Variants in CNTN4 observed in about 807,000 individuals in gnomAD.
The protein encoded by CNTN4 is contactin 4, also known as contactin-4.
CNTN4 carries 77 observed loss-of-function variants against 122.5 expected under a neutral mutation model. That is an observed-to-expected ratio of 0.63 (90% CI 0.52 to 0.76). The LOEUF (loss-of-function observed/expected upper bound fraction) is 0.76, where lower values mean the gene tolerates loss of function less well. Among genes scored for constraint, CNTN4 ranks in the 30% least tolerant of loss-of-function variants. CNTN4 has a pLI of 0.00. For missense variants in CNTN4, 1,256 were observed against 1,259.1 expected, an observed-to-expected ratio of 1.00 and a Z score of 0.04; for synonymous variants, 512 against 447.0, an observed-to-expected ratio of 1.15 and a Z score of -1.83.
chr3:2,521,343 T>TCCCCCCCCCCCCCCCCCCCC (rs5846190), intron 3 of CNTN4, among the ~76,000 whole-genome samples: 2 of 128,306 alleles, frequency 1.6e-5, no homozygotes, highest in African/African-American at 6.3e-5. Context: ...CCTCTACCCA[T>TCCCCCCCCCCCCCCCCCCCC]CCCCCCCACC....
intron 3 of CNTN4, among the ~76,000 whole-genome samples, chr3:2,381,101 G>T (rs1168888449): frequency 6.6e-6 from 1 of 151,672 alleles, no homozygotes; most frequent in Non-Finnish European, 1.5e-5. Flanking sequence ...TGCCTTCTGG[G>T]TTCCCGCCAT....
intron 3 of CNTN4, among the ~76,000 whole-genome samples, chr3:2,567,263 T>G (rs1001896301): frequency 1.3e-5 from 2 of 152,062 alleles, no homozygotes; most frequent in East Asian, 3.9e-4. Context: ...ATTTTTTCTA[T>G]TTTTAGTAGA....
chr3:3,039,894 A>G (rs1343351795), intron 19 of CNTN4, 143 bp from the exon 20 acceptor site: 6 of 707,386 alleles, frequency 8.5e-6, no homozygotes, highest in Non-Finnish European at 1.3e-5. Context: ...TGCAAGCCCT[A>G]AATTTAAAAG....
intron 6 of CNTN4, among the ~76,000 whole-genome samples, chr3:2,792,551 G>A (rs888590346): frequency 6.6e-6 from 1 of 152,222 alleles, no homozygotes; most frequent in Non-Finnish European, 1.5e-5. Context: ...AAGCAAGAAT[G>A]CTAGAAGCCA....
At chr3:2,980,538 G>C (rs1693860977) in intron 13 of CNTN4, among the ~76,000 whole-genome samples, 1 of 152,138 alleles carries the variant, frequency 6.6e-6, no homozygotes, top group Non-Finnish European at 1.5e-5. Context: ...GGACCATAAA[G>C]GAAACTTTGA....
chr3:2,356,091 G>A (rs1228707415), intron 3 of CNTN4, among the ~76,000 whole-genome samples: 3 of 152,086 alleles, frequency 2.0e-5, no homozygotes, highest in Non-Finnish European at 2.9e-5. Context: ...TCCACTTCCT[G>A]TTGCTTACGT....
chr3:3,014,067 C>T (rs1303097865), intron 14 of CNTN4, among the ~76,000 whole-genome samples: 1 of 151,882 alleles, frequency 6.6e-6, no homozygotes, highest in Non-Finnish European at 1.5e-5. Context: ...CACACACACA[C>T]ACACACACAC....
intron 2 of CNTN4, among the ~76,000 whole-genome samples, chr3:2,222,764 A>G (rs940023895): frequency 6.6e-6 from 1 of 152,152 alleles, no homozygotes; most frequent in African/African-American, 2.4e-5. Flanking sequence ...GCCTTATCAA[A>G]TGTGCTTCCT....
chr3:2,291,399 C>T (rs2042129096), intron 2 of CNTN4, among the ~76,000 whole-genome samples: 1 of 152,128 alleles, frequency 6.6e-6, no homozygotes, highest in Non-Finnish European at 1.5e-5. Context: ...TAAATTTTGA[C>T]ATGCAATTAG....
chr3:2,178,890 A>T (rs1362128994), intron 2 of CNTN4, among the ~76,000 whole-genome samples: 1 of 152,060 alleles, frequency 6.6e-6, no homozygotes, highest in Non-Finnish European at 1.5e-5. Flanking sequence ...CTGTGTATAT[A>T]TTGAATGAAA....
intron 3 of CNTN4, among the ~76,000 whole-genome samples, chr3:2,433,753 G>A (rs982701738): frequency 2.2e-4 from 34 of 152,186 alleles, no homozygotes; most frequent in African/African-American, 7.0e-4. Context: ...TGTAGTTTTC[G>A]GTGTTATATT....
At chr3:3,015,412 A>G (rs538232719) in intron 14 of CNTN4, among the ~76,000 whole-genome samples, 2 of 152,318 alleles carry the variant, frequency 1.3e-5, no homozygotes, top group South Asian at 4.1e-4. Context: ...AATCAATCCT[A>G]TCTACATCAA....
At chr3:2,380,078 A>G (rs901176350) in intron 3 of CNTN4, among the ~76,000 whole-genome samples, 1 of 148,188 alleles carries the variant, frequency 6.7e-6, no homozygotes, top group Admixed American at 6.8e-5. Flanking sequence ...AAAAAAAATC[A>G]TAGGGTTTTG....
intron 13 of CNTN4, among the ~76,000 whole-genome samples, chr3:2,951,498 C>T (rs1339504534): frequency 6.6e-6 from 1 of 152,178 alleles, no homozygotes; most frequent in Non-Finnish European, 1.5e-5. Flanking sequence ...AGGCCATGGA[C>T]CAGTACCAGT....
chr3:2,799,510 T>A (rs2150045380), intron 6 of CNTN4, among the ~76,000 whole-genome samples: 2 of 152,230 alleles, frequency 1.3e-5, no homozygotes, highest in South Asian at 4.1e-4. Context: ...TCACCCAGGC[T>A]GGAGTGCAGT....
At chr3:2,461,237 T>C (rs1261230093) in intron 3 of CNTN4, among the ~76,000 whole-genome samples, 2 of 152,186 alleles carry the variant, frequency 1.3e-5, no homozygotes, top group Non-Finnish European at 2.9e-5. Context: ...TGTACAGATA[T>C]GTGTATTTTT....
intron 23 of CNTN4, among the ~76,000 whole-genome samples, chr3:3,052,670 T>G (rs1334081811): frequency 6.6e-6 from 1 of 152,206 alleles, no homozygotes; most frequent in Non-Finnish European, 1.5e-5. Context: ...AGGAGGCTAG[T>G]TGGCCACCTC....
At chr3:2,772,532 G>A (rs554021540) in intron 6 of CNTN4, among the ~76,000 whole-genome samples, 5 of 152,148 alleles carry the variant, frequency 3.3e-5, no homozygotes, top group African/African-American at 1.2e-4. Context: ...AGATTAAGAG[G>A]TGGCAAATTT....
intron 2 of CNTN4, among the ~76,000 whole-genome samples, chr3:2,187,108 G>C (rs1251711375): frequency 1.3e-5 from 2 of 152,122 alleles, no homozygotes; most frequent in African/African-American, 4.8e-5. Flanking sequence ...TTTTGTATAA[G>C]GTGTAAGGAA....
Sources: allele counts gnomAD v4.1 joint callset (sites outside exome capture counted in the v4.1 genomes callset), GRCh38; gene constraint gnomAD v4.1.1; transcripts MANE v1.5; gene names NCBI Gene and HGNC (gene_info 2026-07-23, HGNC 2026-07-21).